The following RHOU variants were observed in gnomAD, a reference collection of about 807,000 sequenced individuals.
RHOU encodes the protein rho-related GTP-binding protein RhoU.
In RHOU, 8 loss-of-function variants were observed where a neutral mutation model predicts 12.6. The observed-to-expected ratio is 0.64, with a 90% CI of 0.37 to 1.15. The LOEUF is 1.15. RHOU is among the 50% of genes most tolerant of loss of function. RHOU has a pLI of 0.01. For missense variants in RHOU, 258 were observed against 347.0 expected (o/e 0.74, Z 2.04); for synonymous variants, 161 against 147.4 (o/e 1.09, Z -0.67).
the RHOU span, among the ~76,000 whole-genome samples, chr1:228,692,926 A>G: frequency 6.6e-6 from 1 of 152,200 alleles, no homozygotes; most frequent in African/African-American, 2.4e-5. Flanking sequence ...ATATTATTAT[A>G]TAAAATTGCA....
chr1:228,655,318 G>T, the RHOU span, among the ~76,000 whole-genome samples: 14 of 152,010 alleles, frequency 9.2e-5, no homozygotes, highest in Non-Finnish European at 1.8e-4. Context: ...TGGCCAGGCT[G>T]GTCTTGAACT....
chr1:228,650,261 C>T, the RHOU span: 2 of 459,420 alleles, frequency 4.4e-6, no homozygotes, highest in Non-Finnish European at 8.8e-6. Flanking sequence ...GTCGCTGGGT[C>T]GCTGGCGCCA....
chr1:228,654,425 C>T, the RHOU span, among the ~76,000 whole-genome samples: 1 of 152,104 alleles, frequency 6.6e-6, no homozygotes, highest in African/African-American at 2.4e-5. Context: ...TTTTATAAGA[C>T]AAGTCTCATA....
chr1:228,697,273 T>C, the RHOU span, among the ~76,000 whole-genome samples: 1 of 152,238 alleles, frequency 6.6e-6, no homozygotes, highest in South Asian at 2.1e-4. Flanking sequence ...GCAAGTTGCA[T>C]ATCCTGTAAT....
At chr1:228,700,915 C>T in the RHOU span, among the ~76,000 whole-genome samples, 1 of 151,806 alleles carries the variant, frequency 6.6e-6, no homozygotes, top group Non-Finnish European at 1.5e-5. Context: ...AGCAGGACCC[C>T]ATCTTTACAA....
chr1:228,664,229 G>A, the RHOU span, among the ~76,000 whole-genome samples: 1 of 119,198 alleles, frequency 8.4e-6, no homozygotes, highest in Non-Finnish European at 1.7e-5. Flanking sequence ...ATATTTCCCA[G>A]GCTGGTCTCG....
At chr1:228,740,591 A>G (rs781207346) in intron 2 of RHOU, among the ~76,000 whole-genome samples, 4 of 152,224 alleles carry the variant, frequency 2.6e-5, no homozygotes, top group Non-Finnish European at 5.9e-5. Context: ...ATCTGATAAA[A>G]TACATTTTAA....
the RHOU span, among the ~76,000 whole-genome samples, chr1:228,652,847 G>A: frequency 1.3e-4 from 20 of 151,826 alleles, no homozygotes; most frequent in Non-Finnish European, 2.5e-4. Context: ...AAATATTTTC[G>A]CTTATGCTAT....
the RHOU span, among the ~76,000 whole-genome samples, chr1:228,675,994 T>A: frequency 1.3e-5 from 2 of 152,096 alleles, no homozygotes; most frequent in African/African-American, 4.8e-5. Context: ...TCATCAGGAA[T>A]TTTCACTGGT....
intron 2 of RHOU, among the ~76,000 whole-genome samples, chr1:228,740,846 G>A (rs1315885685): frequency 6.6e-6 from 1 of 152,132 alleles, no homozygotes; most frequent in African/African-American, 2.4e-5. Flanking sequence ...ATCACTTCTT[G>A]TACTTTGGCT....
chr1:228,716,395 TTCTA>T, the RHOU span, among the ~76,000 whole-genome samples: 1 of 152,178 alleles, frequency 6.6e-6, no homozygotes, highest in Admixed American at 6.5e-5. Flanking sequence ...CATTAAATCA[TTCTA>T]TATATGTTAA....
chr1:228,699,986 C>T, the RHOU span, among the ~76,000 whole-genome samples: 6 of 152,076 alleles, frequency 3.9e-5, no homozygotes, highest in Non-Finnish European at 7.4e-5. Flanking sequence ...ATATTAAGAC[C>T]GTTTTAGTAA....
At chr1:228,646,838 G>A in the RHOU span, among the ~76,000 whole-genome samples, 1 of 151,940 alleles carries the variant, frequency 6.6e-6, no homozygotes, top group African/African-American at 2.4e-5. Context: ...AGACACACAC[G>A]GCTTGAAGGA....
chr1:228,647,776 C>G, the RHOU span: 1 of 152,384 alleles, frequency 6.6e-6, no homozygotes, highest in Non-Finnish European at 1.5e-5. Context: ...CCTGGCTGTG[C>G]TGCAGGTTAG....
At chr1:228,684,717 C>T in the RHOU span, among the ~76,000 whole-genome samples, 1 of 152,104 alleles carries the variant, frequency 6.6e-6, no homozygotes, top group Admixed American at 6.5e-5. Context: ...CAGGAAAAAA[C>T]ATGCAGGCTC....
At position 228,746,103 on chromosome 1, in the gene RHOU, CT is replaced by C. The variant is rs1460471301; in HGVS notation, c.*2366del. The C allele has an allele frequency of 6.6e-6, 1 of 152,110 alleles. No homozygotes were observed. Among genetic ancestry groups the C allele is most frequent in the Non-Finnish European group, 1.5e-5 (1 of 68,028 alleles). The allele number at this position is 152,110 out of a possible 1,614,324, so 9.4% of individuals were successfully genotyped here. Reference sequence around the variant, plus strand: ...AGTGTTAAAAATCTAGTGGGTTGACCTTTAAATGCAACAGTTTTTAAAATAT... The same window carrying C: ...AGTGTTAAAAATCTAGTGGGTTGACCTTAAATGCAACAGTTTTTAAAATAT... On this transcript the variant is annotated 3_prime_UTR_variant, in exon 3 of 3. Coordinates refer to ENST00000366691, the MANE Select transcript of RHOU (RefSeq NM_021205.6).
At chr1:228,708,621 C>T in the RHOU span, among the ~76,000 whole-genome samples, 1 of 151,820 alleles carries the variant, frequency 6.6e-6, no homozygotes, top group African/African-American at 2.4e-5. Context: ...GAGATTTTGT[C>T]ACCACCAGGC....
chr1:228,663,097 G>A, the RHOU span, among the ~76,000 whole-genome samples: 3 of 152,216 alleles, frequency 2.0e-5, no homozygotes, highest in Non-Finnish European at 4.4e-5. Flanking sequence ...ATGATATTTT[G>A]TAGTATTTGA....
At chr1:228,723,480 A>C in the RHOU span, among the ~76,000 whole-genome samples, 1 of 151,964 alleles carries the variant, frequency 6.6e-6, no homozygotes, top group Non-Finnish European at 1.5e-5. Context: ...GGGCACCATG[A>C]TGTTCTACAC....
Sources: gnomAD v4.1 joint callset for allele counts (sites outside exome capture counted in the v4.1 genomes callset) on GRCh38, gnomAD v4.1.1 for gene constraint, MANE v1.5 for transcripts, NCBI Gene and HGNC (gene_info 2026-07-23, HGNC 2026-07-21) for gene names.